The following GMDS variants were observed in gnomAD, a reference collection of about 807,000 sequenced individuals.
The protein encoded by GMDS is GDP-mannose 4,6-dehydratase, also known as GDP-mannose 4,6 dehydratase.
A neutral mutation model predicts 49.9 loss-of-function variants in GMDS; 20 were observed. The ratio of observed to expected loss-of-function variants is 0.40; its 90% CI spans 0.28 to 0.58. GMDS has a LOEUF of 0.58. GMDS is among the 20% of genes least tolerant of loss of function. The pLI is 0.42. For synonymous variants in GMDS, 177 were observed against 178.6 expected, an observed-to-expected ratio of 0.99 and a Z score of 0.07; for missense variants, 362 against 481.4, an observed-to-expected ratio of 0.75 and a Z score of 2.32.
intron 1 of GMDS, among the ~76,000 whole-genome samples, chr6:2,202,335 T>C (rs1779584308): frequency 6.6e-6 from 1 of 150,846 alleles, no homozygotes; most frequent in Non-Finnish European, 1.5e-5. Context: ...GAACACCACA[T>C]GCACATCCGA....
intron 9 of GMDS, among the ~76,000 whole-genome samples, chr6:1,706,904 C>T (rs544447383): frequency 6.6e-5 from 10 of 152,208 alleles, no homozygotes; most frequent in Admixed American, 3.3e-4. Flanking sequence ...ACTATGCTGT[C>T]GAACAGATCT....
chr6:1,669,542 T>C (rs1449355700), intron 9 of GMDS, among the ~76,000 whole-genome samples: 6 of 152,200 alleles, frequency 3.9e-5, no homozygotes, highest in Admixed American at 3.9e-4. Context: ...ATGGGGGTGC[T>C]GAAAATGAGA....
intron 4 of GMDS, among the ~76,000 whole-genome samples, chr6:2,078,936 C>G (rs938763795): frequency 1.3e-5 from 2 of 150,340 alleles, no homozygotes; most frequent in African/African-American, 4.9e-5. Context: ...AATCTTGTTG[C>G]TCCAGTGTTG....
At chr6:2,193,296 T>C (rs1360681647) in intron 1 of GMDS, among the ~76,000 whole-genome samples, 1 of 152,270 alleles carries the variant, frequency 6.6e-6, no homozygotes, top group Admixed American at 6.5e-5. Flanking sequence ...TTACAAAGTA[T>C]GTGTTAAACA....
At chr6:1,708,619 A>G (rs1765826985) in intron 9 of GMDS, among the ~76,000 whole-genome samples, 1 of 152,260 alleles carries the variant, frequency 6.6e-6, no homozygotes, top group South Asian at 2.1e-4. Flanking sequence ...TCCTCAAACC[A>G]TGCCTATTAT....
chr6:1,993,853 A>C (rs1369117389), intron 4 of GMDS, among the ~76,000 whole-genome samples: 2 of 152,214 alleles, frequency 1.3e-5, no homozygotes, highest in Non-Finnish European at 2.9e-5. Context: ...CTTGCCTAAA[A>C]AGCTAGCTCT....
chr6:1,736,551 G>C (rs968990324), intron 8 of GMDS, among the ~76,000 whole-genome samples: 1 of 152,284 alleles, frequency 6.6e-6, no homozygotes, highest in Non-Finnish European at 1.5e-5. Flanking sequence ...GGGATTTTGA[G>C]TGACGATGAA....
chr6:1,764,649 G>A (rs901173373), intron 7 of GMDS, among the ~76,000 whole-genome samples: 3 of 152,294 alleles, frequency 2.0e-5, no homozygotes, highest in Non-Finnish European at 1.5e-5. Context: ...GCTCCGTAAC[G>A]ATCGTCAAGA....
intron 7 of GMDS, among the ~76,000 whole-genome samples, chr6:1,881,169 A>C (rs1009759988): frequency 6.6e-6 from 1 of 152,194 alleles, no homozygotes; most frequent in Non-Finnish European, 1.5e-5. Context: ...GGCACCGATA[A>C]ATTTAAAAGA....
At chr6:2,210,872 T>G (rs1170310424) in intron 1 of GMDS, among the ~76,000 whole-genome samples, 1 of 152,206 alleles carries the variant, frequency 6.6e-6, no homozygotes, top group South Asian at 2.1e-4. Flanking sequence ...AGGGACCTGG[T>G]GGGAGATAAT....
At chr6:2,122,096 C>T (rs570392652) in intron 2 of GMDS, among the ~76,000 whole-genome samples, 2 of 152,142 alleles carry the variant, frequency 1.3e-5, no homozygotes, top group East Asian at 3.8e-4. Flanking sequence ...CATACAAAGG[C>T]TAGATTCAAA....
intron 9 of GMDS, among the ~76,000 whole-genome samples, chr6:1,656,027 C>T (rs1394392320): frequency 1.3e-5 from 2 of 152,166 alleles, no homozygotes; most frequent in African/African-American, 4.8e-5. Flanking sequence ...GGACCCAGGT[C>T]ACACAGAGAG....
chr6:2,059,889 G>T (rs571803212), intron 4 of GMDS, among the ~76,000 whole-genome samples: 50 of 151,840 alleles, frequency 3.3e-4, no homozygotes, highest in African/African-American at 1.2e-3. Flanking sequence ...TCTTCTAAAT[G>T]AAAGTAGGAC....
intron 4 of GMDS, among the ~76,000 whole-genome samples, chr6:2,101,314 C>G (rs899120725): frequency 3.4e-5 from 5 of 147,412 alleles, no homozygotes; most frequent in Admixed American, 1.3e-4. Flanking sequence ...ACTAAAAAAA[C>G]AAAAAACAAA....
chr6:2,031,269 C>T (rs948827175), intron 4 of GMDS, among the ~76,000 whole-genome samples: 1 of 152,306 alleles, frequency 6.6e-6, no homozygotes, highest in African/African-American at 2.4e-5. Flanking sequence ...ACAGGAGTGC[C>T]ACTGGGCTTG....
chr6:2,187,939 C>A (rs943926796), intron 1 of GMDS, among the ~76,000 whole-genome samples: 4 of 152,226 alleles, frequency 2.6e-5, no homozygotes, highest in Admixed American at 2.6e-4. Context: ...GAAACAATAT[C>A]CACAAGTAAT....
At chr6:2,046,577 A>T (rs1395917032) in intron 4 of GMDS, among the ~76,000 whole-genome samples, 1 of 152,074 alleles carries the variant, frequency 6.6e-6, no homozygotes, top group Non-Finnish European at 1.5e-5. Flanking sequence ...CTCCCACCTC[A>T]GCCTCCAGAG....
intron 4 of GMDS, among the ~76,000 whole-genome samples, chr6:2,036,384 T>C (rs746614743): frequency 3.1e-4 from 47 of 152,158 alleles, no homozygotes; most frequent in Non-Finnish European, 5.7e-4. Flanking sequence ...AACTGAGTTA[T>C]TGATTCATTA....
chr6:2,048,670 C>T lies in GMDS; in HGVS notation c.345+67101G>A, dbSNP rs552825841. On this transcript the variant is annotated intron_variant, in intron 4 of 10. Transcript: ENST00000380815. ...CTTCCCACTGATCACCATCATATTA[C>T]CTACTTTCTCTTAAGTCTTCTATAA... is the stretch of plus-strand genomic sequence containing the variant. 2.6e-5 allele frequency among the ~76,000 whole-genome samples: 4 copies of T among 152,298 alleles called. No individual in the cohort carries two copies. The East Asian group carries it at 5.8e-4, about 22-fold the overall frequency.
Sources: allele counts gnomAD v4.1 joint callset (sites outside exome capture counted in the v4.1 genomes callset), GRCh38; gene constraint gnomAD v4.1.1; transcripts MANE v1.5; gene names NCBI Gene and HGNC (gene_info 2026-07-23, HGNC 2026-07-21).